TBC1D22A: variants seen among roughly 807,000 people sequenced by gnomAD.
TBC1D22A encodes putative GTPase activator.
A neutral mutation model predicts 60.2 loss-of-function variants in TBC1D22A; 38 were observed. The observed-to-expected ratio is 0.63, with a 90% confidence interval of 0.49 to 0.83. TBC1D22A has a LOEUF of 0.83. Ranked by LOEUF, TBC1D22A falls within the 40% of genes least tolerant of loss-of-function variation. The probability of loss-of-function intolerance (pLI) is 0.00; values close to 1 mark genes in which losing one functional copy is unlikely to be tolerated. For missense variants in TBC1D22A, 628 were observed against 701.0 expected (o/e 0.90, Z 1.18); for synonymous variants, 302 against 281.7 (o/e 1.07, Z -0.72).
intron 4 of TBC1D22A, among the ~76,000 whole-genome samples, chr22:46,850,778 A>G (rs1002317913): frequency 2.6e-5 from 4 of 152,216 alleles, no homozygotes; most frequent in Non-Finnish European, 5.9e-5. Context: ...CATAATAGCC[A>G]AAAAAGGGGA....
chr22:46,935,397 C>T (rs140501365), intron 8 of TBC1D22A, among the ~76,000 whole-genome samples: 1 of 152,194 alleles, frequency 6.6e-6, no homozygotes, highest in Non-Finnish European at 1.5e-5. Flanking sequence ...CTGAAGTTGC[C>T]TCTGGGTTAC....
intron 8 of TBC1D22A, among the ~76,000 whole-genome samples, chr22:46,957,731 G>A (rs1466617386): frequency 6.6e-6 from 1 of 152,252 alleles, no homozygotes; most frequent in African/African-American, 2.4e-5. Context: ...CGCCAGAGAC[G>A]CCATGCTGGG....
At chr22:46,991,748 T>C (rs1397497189) in intron 9 of TBC1D22A, among the ~76,000 whole-genome samples, 1 of 152,218 alleles carries the variant, frequency 6.6e-6, no homozygotes, top group African/African-American at 2.4e-5. Context: ...TGCCTGGGTC[T>C]CACCGCTGAC....
intron 12 of TBC1D22A, among the ~76,000 whole-genome samples, chr22:47,135,110 C>T (rs1328476042): frequency 2.0e-5 from 3 of 152,204 alleles, no homozygotes; most frequent in African/African-American, 4.8e-5. Flanking sequence ...GCTCTGCTGC[C>T]GAGTGTCTTC....
At chr22:47,085,452 A>C (rs1320297139) in intron 11 of TBC1D22A, among the ~76,000 whole-genome samples, 1 of 152,166 alleles carries the variant, frequency 6.6e-6, no homozygotes, top group African/African-American at 2.4e-5. Context: ...TACAGTTGCC[A>C]ATTTTTGCTT....
At chr22:47,162,793 C>T (rs989044820) in intron 12 of TBC1D22A, among the ~76,000 whole-genome samples, 3 of 103,044 alleles carry the variant, frequency 2.9e-5, no homozygotes, top group African/African-American at 4.8e-5. Context: ...CAGGGAGAGT[C>T]GGGGGAGTGG....
At chr22:46,952,539 G>A (rs956588897) in intron 8 of TBC1D22A, among the ~76,000 whole-genome samples, 8 of 152,130 alleles carry the variant, frequency 5.3e-5, no homozygotes, top group African/African-American at 1.9e-4. Context: ...GTGGGTGTTG[G>A]CCTGCAAGGT....
chr22:46,874,687 C>T (rs1023610948), intron 4 of TBC1D22A, among the ~76,000 whole-genome samples: 21 of 146,272 alleles, frequency 1.4e-4, no homozygotes, highest in Non-Finnish European at 3.1e-4. Context: ...GATTCTCCTG[C>T]CTTAGCCTCC....
At chr22:46,872,775 C>A (rs1357406408) in intron 4 of TBC1D22A, among the ~76,000 whole-genome samples, 1 of 152,112 alleles carries the variant, frequency 6.6e-6, no homozygotes, top group African/African-American at 2.4e-5. Flanking sequence ...AGGGAGAGAA[C>A]CCCAGATGTC....
chr22:46,791,654 G>T (rs2084414128), intron 1 of TBC1D22A, among the ~76,000 whole-genome samples: 1 of 152,104 alleles, frequency 6.6e-6, no homozygotes, highest in Non-Finnish European at 1.5e-5. Flanking sequence ...AAGGCTTCTG[G>T]GTAGAGGTTG....
intron 12 of TBC1D22A, among the ~76,000 whole-genome samples, chr22:47,131,014 G>C (rs1005186009): frequency 3.9e-5 from 6 of 152,212 alleles, no homozygotes; most frequent in Admixed American, 2.0e-4. Context: ...GGGAGCCGGC[G>C]TGTCACGTGG....
intron 4 of TBC1D22A, among the ~76,000 whole-genome samples, chr22:46,855,206 G>C (rs1345456274): frequency 1.3e-5 from 2 of 152,176 alleles, no homozygotes; most frequent in Non-Finnish European, 2.9e-5. Flanking sequence ...ATTATTACTT[G>C]TGCCCAAGGT....
At position 46,846,697 on chromosome 22, in the gene TBC1D22A, C is replaced by G. The variant is rs552512778; in HGVS notation, c.638-31956C>G. On this transcript the variant is annotated intron_variant, in intron 4 of 12. Coordinates refer to ENST00000337137, the MANE Select transcript of TBC1D22A (RefSeq NM_014346.5). The stretch of plus-strand genomic sequence containing the variant: ...GCGGGTATCAAGATACGCCACCAGC[C>G]TCTCATCTTCACCCGGATTCGGCGG... Among the ~76,000 whole-genome samples, 7 of 152,144 alleles carry G rather than the reference C, an allele frequency of 4.6e-5. No individual in the cohort carries two copies. In the South Asian group the frequency reaches 1.5e-3, roughly 32 times the overall value.
intron 10 of TBC1D22A, among the ~76,000 whole-genome samples, chr22:47,018,323 C>G (rs879336757): frequency 6.6e-6 from 1 of 152,256 alleles, no homozygotes; most frequent in Admixed American, 6.5e-5. Context: ...GGCGCACATG[C>G]AAGCCCATCA....
At chr22:47,020,736 G>A (rs1189260118) in intron 10 of TBC1D22A, among the ~76,000 whole-genome samples, 2 of 152,022 alleles carry the variant, frequency 1.3e-5, no homozygotes, top group African/African-American at 4.8e-5. Context: ...GACTGCCATG[G>A]GTCATCACCT....
intron 8 of TBC1D22A, among the ~76,000 whole-genome samples, chr22:46,947,586 TG>T (rs1479418976): frequency 3.9e-5 from 6 of 152,216 alleles, no homozygotes; most frequent in Non-Finnish European, 8.8e-5. Context: ...GTGGAAGCCA[TG>T]GGCTGCTGCT....
chr22:46,784,454 G>A (rs1453199543), intron 1 of TBC1D22A, among the ~76,000 whole-genome samples: 1 of 152,186 alleles, frequency 6.6e-6, no homozygotes, highest in Non-Finnish European at 1.5e-5. Flanking sequence ...TTTAGTTGTA[G>A]TCTGCTTTTC....
intron 10 of TBC1D22A, among the ~76,000 whole-genome samples, chr22:47,013,549 T>C (rs1179370703): frequency 6.6e-6 from 1 of 152,202 alleles, no homozygotes; most frequent in African/African-American, 2.4e-5. Context: ...AGAGAGACTG[T>C]GTCTTTTCTC....
At chr22:46,765,686 C>G (rs999837512) in intron 1 of TBC1D22A, among the ~76,000 whole-genome samples, 1 of 151,904 alleles carries the variant, frequency 6.6e-6, no homozygotes, top group Non-Finnish European at 1.5e-5. Context: ...AGGCTAGTCT[C>G]GAACTCCTGA....
Sources: gnomAD v4.1 joint callset for allele counts (sites outside exome capture counted in the v4.1 genomes callset) on GRCh38, gnomAD v4.1.1 for gene constraint, MANE v1.5 for transcripts, NCBI Gene and HGNC (gene_info 2026-07-23, HGNC 2026-07-21) for gene names.